Variants in CECR2 observed in about 807,000 individuals in gnomAD.
CECR2 encodes the protein chromatin remodeling regulator CECR2.
A neutral mutation model predicts 154.5 loss-of-function variants in CECR2; 30 were observed. The observed-to-expected ratio is 0.19, with a 90% CI of 0.15 to 0.26. CECR2 has a LOEUF of 0.26. Among genes scored for constraint, CECR2 ranks in the 10% least tolerant of loss-of-function variants. CECR2 has a pLI of 1.00. For synonymous variants in CECR2, 725 were observed against 683.7 expected (o/e 1.06, Z -0.94); for missense variants, 1,743 against 1,829.3 (o/e 0.95, Z 0.86).
intron 9 of CECR2, among the ~76,000 whole-genome samples, chr22:17,529,454 A>C (rs979288716): frequency 6.6e-6 from 1 of 152,236 alleles, no homozygotes; most frequent in Admixed American, 6.5e-5. Context: ...TAATCCCAGC[A>C]CTTTGGAAGG....
chr22:17,459,722 TC>T (rs2054908336), intron 1 of CECR2, among the ~76,000 whole-genome samples: 1 of 152,192 alleles, frequency 6.6e-6, no homozygotes, highest in Non-Finnish European at 1.5e-5. Context: ...CTTTGCAAAC[TC>T]CTGAACTTCT....
intron 1 of CECR2, chr22:17,428,132 G>A (rs1264842375): frequency 6.6e-6 from 1 of 152,150 alleles, no homozygotes; most frequent in Non-Finnish European, 1.5e-5. Context: ...CTTCTTTTGC[G>A]ACGTGTCTGT....
At chr22:17,456,050 T>C (rs1353221162) in intron 1 of CECR2, among the ~76,000 whole-genome samples, 1 of 152,204 alleles carries the variant, frequency 6.6e-6, no homozygotes, top group Non-Finnish European at 1.5e-5. Context: ...GTTTTCACCA[T>C]TGTATTTTAA....
chr22:17,444,207 G>T (rs1403262104), intron 1 of CECR2, among the ~76,000 whole-genome samples: 1 of 152,144 alleles, frequency 6.6e-6, no homozygotes, highest in Non-Finnish European at 1.5e-5. Flanking sequence ...TTCCATAGTT[G>T]ATTGCAGACA....
intron 18 of CECR2, 63 bp from the exon 19 acceptor site, chr22:17,552,772 A>G (rs1474597489): frequency 2.4e-6 from 1 of 418,714 alleles, no homozygotes; most frequent in Non-Finnish European, 3.5e-6. Context: ...TGGCTTACTT[A>G]AGTTTTTTTT....
chr22:17,528,818 G>C (rs573185194), intron 9 of CECR2, among the ~76,000 whole-genome samples: 1 of 152,228 alleles, frequency 6.6e-6, no homozygotes, highest in South Asian at 2.1e-4. Flanking sequence ...ATACAAGCGT[G>C]AGCACACACC....
chr22:17,515,228 G>A (rs145300702), intron 8 of CECR2, among the ~76,000 whole-genome samples: 110 of 152,292 alleles, frequency 7.2e-4, no homozygotes, highest in Middle Eastern at 3.4e-3. Flanking sequence ...AGCTAAGCAG[G>A]AGGTGTTTAC....
At chr22:17,362,557 T>TG (rs72589540) in intron 1 of CECR2, among the ~76,000 whole-genome samples, 1 of 152,134 alleles carries the variant, frequency 6.6e-6, no homozygotes, top group Non-Finnish European at 1.5e-5. Context: ...TTCATTTTTT[T>TG]TGTGTGTGTT....
intron 8 of CECR2, among the ~76,000 whole-genome samples, chr22:17,520,066 G>A (rs569600485): frequency 6.6e-6 from 1 of 152,262 alleles, no homozygotes; most frequent in East Asian, 1.9e-4. Flanking sequence ...TGAGATTACA[G>A]GCGTGAGCCA....
At chr22:17,450,113 A>G (rs1195871289) in intron 1 of CECR2, among the ~76,000 whole-genome samples, 2 of 152,206 alleles carry the variant, frequency 1.3e-5, no homozygotes, top group East Asian at 3.8e-4. Flanking sequence ...GGAGTAGTTG[A>G]ACTTGCCCTT....
At chr22:17,541,695 T>G in intron 14 of CECR2, 144 bp from the exon 15 acceptor site, 1 of 916,238 alleles carries the variant, frequency 1.1e-6, no homozygotes, top group Non-Finnish European at 1.6e-6. Context: ...TGAGCACGTG[T>G]GTTCACAGTC....
At position 17,402,292 on chromosome 22, in the gene CECR2, T is replaced by TAAAA. The variant is rs1334534923; in HGVS notation, c.126+32385_126+32386insAAAA. On this transcript the variant is annotated intron_variant, in intron 1 of 18. Coordinates refer to ENST00000262608, the MANE Select transcript of CECR2 (RefSeq NM_001290047.2). ...GAGCCACTGTGCCTGGCCAACATTT[T>TAAAA]AACTTTTTAAAAAAATAAATTTACT... 1.3e-3 allele frequency among the ~76,000 whole-genome samples: 192 copies of TAAAA among 152,272 alleles called. No homozygotes were observed. In the East Asian group the frequency reaches 0.03, roughly 24 times the overall value.
Position 17,507,440 on chromosome 22 carries a change from T to C in CECR2, c.870+2424T>C, listed in dbSNP as rs528178184. Among the ~76,000 whole-genome samples, 3 of 152,290 alleles carry C rather than the reference T, an allele frequency of 2.0e-5. No homozygotes were observed. In the East Asian group the frequency reaches 5.8e-4, roughly 29 times the overall value. Reference sequence around the variant, plus strand: ...AAGTAACAATGATGTAAAGAGATAGTTTTTATGACTTTGTGTAACCTTGCA... The same window carrying C: ...AAGTAACAATGATGTAAAGAGATAGCTTTTATGACTTTGTGTAACCTTGCA... On this transcript the variant is annotated intron_variant, in intron 7 of 18. Transcript: ENST00000262608.
chr22:17,542,059 G>T, intron 15 of CECR2, 92 bp downstream of exon 15: 1 of 1,568,938 alleles, frequency 6.4e-7, no homozygotes, highest in South Asian at 1.2e-5. Context: ...GTTGTTCATT[G>T]CGTCCTTTCC....
intron 7 of CECR2, among the ~76,000 whole-genome samples, chr22:17,508,150 A>G (rs1425903128): frequency 6.6e-6 from 1 of 152,224 alleles, no homozygotes; most frequent in African/African-American, 2.4e-5. Flanking sequence ...CTGTGGTCCC[A>G]TAAGATTATA....
At chr22:17,502,977 C>A in intron 5 of CECR2, 105 bp from the exon 6 acceptor site, 1 of 937,992 alleles carries the variant, frequency 1.1e-6, no homozygotes, top group Non-Finnish European at 1.7e-6. Flanking sequence ...CACACACATA[C>A]ACTCTCTTTG....
chr22:17,424,828 C>A (rs1464128394), intron 1 of CECR2: 6 of 152,430 alleles, frequency 3.9e-5, no homozygotes, highest in African/African-American at 7.2e-5. Context: ...CTGGGCAGCT[C>A]CTATGAATTG....
At chr22:17,496,767 C>T (rs573212107) in intron 2 of CECR2, among the ~76,000 whole-genome samples, 2 of 152,302 alleles carry the variant, frequency 1.3e-5, no homozygotes, top group South Asian at 2.1e-4. Context: ...TTCAGTTGTA[C>T]GCGTAGCGGG....
chr22:17,429,396 G>A lies in CECR2; in HGVS notation c.127-48192G>A, dbSNP rs960040361. 4.6e-5 allele frequency among the ~76,000 whole-genome samples: 7 copies of A among 151,856 alleles called. No homozygotes were observed. In the East Asian group the frequency reaches 9.7e-4, roughly 21 times the overall value. On this transcript the variant is annotated intron_variant, in intron 1 of 18. Transcript: ENST00000262608. ...ACAGGAGGTGAGGATTTGAGAGCAGGGCATATGAAGATCTCACAAGGGAGA... is the reference window on the plus strand; with the variant it reads ...ACAGGAGGTGAGGATTTGAGAGCAGAGCATATGAAGATCTCACAAGGGAGA...
Sources: gnomAD v4.1 joint callset for allele counts (sites outside exome capture counted in the v4.1 genomes callset) on GRCh38, gnomAD v4.1.1 for gene constraint, MANE v1.5 for transcripts, NCBI Gene and HGNC (gene_info 2026-07-23, HGNC 2026-07-21) for gene names.